The following DCLRE1A variants were observed in gnomAD, a reference collection of about 807,000 sequenced individuals.
DCLRE1A encodes the protein DNA cross-link repair 1A protein.
DCLRE1A carries 64 observed loss-of-function variants against 91.9 expected under a neutral mutation model. The ratio of observed to expected loss-of-function variants is 0.70; its 90% CI spans 0.57 to 0.86. The LOEUF is 0.86. Ranked by LOEUF, DCLRE1A falls within the 40% of genes least tolerant of loss-of-function variation. The pLI, the probability that DCLRE1A is intolerant of heterozygous loss-of-function variation, is 0.00. For synonymous variants in DCLRE1A, 416 were observed against 431.1 expected (o/e 0.96, Z 0.43); for missense variants, 1,145 against 1,213.3 (o/e 0.94, Z 0.84).
At chr10:113,840,708 T>C (rs756254428) in intron 7 of DCLRE1A, among the ~76,000 whole-genome samples, 1 of 152,228 alleles carries the variant, frequency 6.6e-6, no homozygotes, top group African/African-American at 2.4e-5. Flanking sequence ...ATTCATTCTT[T>C]TTATTTCATA....
At chr10:113,851,810 C>T (rs889572818) in intron 1 of DCLRE1A, among the ~76,000 whole-genome samples, 3 of 151,944 alleles carry the variant, frequency 2.0e-5, no homozygotes, top group Non-Finnish European at 4.4e-5. Context: ...CCTACAGCCT[C>T]GACCTCTTGG....
intron 2 of DCLRE1A, among the ~76,000 whole-genome samples, chr10:113,847,552 G>A (rs900311001): frequency 2.6e-5 from 3 of 116,450 alleles, no homozygotes; most frequent in African/African-American, 8.3e-5. Context: ...TTTTATTTGT[G>A]AATAATTGCA....
chr10:113,848,035 C>T (rs1348812287), intron 2 of DCLRE1A, among the ~76,000 whole-genome samples: 4 of 152,116 alleles, frequency 2.6e-5, no homozygotes, highest in African/African-American at 4.8e-5. Context: ...GAAAATTGGC[C>T]GGGCTCGGTG....
At chr10:113,846,380 AG>A (rs1205668894) in intron 3 of DCLRE1A, among the ~76,000 whole-genome samples, 2 of 152,200 alleles carry the variant, frequency 1.3e-5, no homozygotes, top group Non-Finnish European at 2.9e-5. Flanking sequence ...TTCTAGTTCA[AG>A]CCCTTAGTAA....
intron 7 of DCLRE1A, among the ~76,000 whole-genome samples, chr10:113,841,137 A>G (rs1387867781): frequency 6.6e-6 from 1 of 152,232 alleles, no homozygotes; most frequent in Non-Finnish European, 1.5e-5. Flanking sequence ...GGTTTGAATG[A>G]CCAGATAGCT....
rs759486823 is a variant in DCLRE1A, at chr10:113,849,905, C to T, written c.1200G>A (p.Leu400=). Residue 400 remains leucine (L), a synonymous_variant, in exon 2 of 9, where the codon CTG becomes CTA. Coordinates refer to ENST00000361384, the MANE Select transcript of DCLRE1A (RefSeq NM_014881.5). ...ACACAAAATCACCACCAGTACATGC[C>T]AGATCATAAGGCAAAGTACTCTCAT... ...QNNESTLPYD[L]ACTGGDFVLF... is the part of the protein sequence containing the mutation. The T allele has an allele frequency of 1.2e-5, 20 of 1,613,920 alleles. No homozygotes were observed. Among genetic ancestry groups the T allele is most frequent in the Non-Finnish European group, 1.6e-5 (19 of 1,180,006 alleles).
At chr10:113,846,528 C>T (rs1260334808) in intron 3 of DCLRE1A, among the ~76,000 whole-genome samples, 1 of 152,146 alleles carries the variant, frequency 6.6e-6, no homozygotes, top group Admixed American at 6.5e-5. Flanking sequence ...TATTATGATA[C>T]CAATCCCAAT....
rs377032576 is a variant in DCLRE1A at position 113,849,162 on chromosome 10, G to A, written c.1943C>T (p.Ala648Val). The A allele has an allele frequency of 1.9e-5, 31 of 1,613,820 alleles. No homozygotes were observed. The South Asian group carries it at 2.6e-4, about 14-fold the overall frequency. Residue 648 changes from alanine to valine, a missense_variant, in exon 2 of 9, where the codon GCG (alanine) becomes GTG (valine). Physicochemically the swap from Ala to Val is moderately conservative, Grantham distance 64. Coordinates refer to ENST00000361384, the MANE Select transcript of DCLRE1A (RefSeq NM_014881.5). ...AAGGTGATCTGATCTCTTCTGACACGCTCCTTCCTGCAGTGAATTTGACTT... is the reference window on the plus strand; with the variant it reads ...AAGGTGATCTGATCTCTTCTGACACACTCCTTCCTGCAGTGAATTTGACTT... ...CRKSNSLQEGACQKRSDHLIN... is the reference protein window; with the variant it reads ...CRKSNSLQEGVCQKRSDHLIN...
intron 2 of DCLRE1A, 151 bp downstream of exon 2, chr10:113,848,829 T>A: frequency 1.4e-6 from 1 of 733,102 alleles, no homozygotes; most frequent in Admixed American, 2.8e-5. Flanking sequence ...AAAAACCATA[T>A]CTACGTTAGA....
rs751311154 is a variant in DCLRE1A, at chr10:113,853,224, A to G, written c.-42T>C. 8.5e-5 allele frequency: 123 copies of G among 1,448,928 alleles called. No individual in the cohort carries two copies. The South Asian group carries it at 1.6e-3, about 19-fold the overall frequency. 89.8% of individuals were successfully genotyped at this position (1,448,928 alleles called of 1,614,324 possible). On this transcript the variant is annotated 5_prime_UTR_variant, in exon 1 of 9. Coordinates refer to ENST00000361384, the MANE Select transcript of DCLRE1A (RefSeq NM_014881.5). ...CATTCAAGAAGTATTAATCTTAAGT[A>G]AACTGAAAGTCCATTTCTTGTCACA...
Position 113,853,041 on chromosome 10 carries a change from T to C in DCLRE1A, c.142A>G (p.Ser48Gly). 6.2e-7 allele frequency: 1 copy of C among 1,614,014 alleles called. No homozygotes were observed. Among genetic ancestry groups the C allele is most frequent in the Non-Finnish European group, 8.5e-7 (1 of 1,180,020 alleles). ...ATDGKYQSKRSRNRKRAAEAK... is the reference protein window; with the variant it reads ...ATDGKYQSKRGRNRKRAAEAK... ...TCTGCGGCTCTTTTTCTGTTTCTAC[T>C]CCGTTTTGACTGGTATTTTCCATCT... Residue 48 changes from serine (S) to glycine (G), a missense_variant, in exon 1 of 9, where the codon AGT becomes GGT. Coordinates refer to ENST00000361384, the MANE Select transcript of DCLRE1A (RefSeq NM_014881.5).
Position 113,850,617 on chromosome 10 carries a change from G to T in DCLRE1A, c.488C>A (p.Ser163Ter), listed in dbSNP as rs1845634484. ...TECPDGLLCT[S>*]TIPFHYKRYT... ...TCTCTTGTAATGAAAAGGAATGGTT[G>T]AGGTACACAGAAGACCATCAGGACA... Residue 163 changes from serine to a stop codon, truncating the protein, a stop_gained, in exon 2 of 9, where the codon TCA becomes TAA. Coordinates refer to ENST00000361384, the MANE Select transcript of DCLRE1A (RefSeq NM_014881.5). LOFTEE classifies it high-confidence loss of function. 1 of 1,609,038 alleles carries T rather than the reference G, an allele frequency of 6.2e-7. No homozygotes were observed. Among genetic ancestry groups the T allele is most frequent in the Admixed American group, 1.7e-5 (1 of 59,576 alleles).
chr10:113,849,702 G>A lies in DCLRE1A; in HGVS notation c.1403C>T (p.Pro468Leu). 2 of 1,614,104 alleles carry A rather than the reference G, an allele frequency of 1.2e-6. No individual in the cohort carries two copies. Among genetic ancestry groups the A allele is most frequent in the South Asian group, 1.1e-5 (1 of 91,074 alleles). ...ATACCCTTCTACCTGACTTTCAAAA[G>A]GTTTCAACATTAAACTCTTAACTAA... ...LPLVKSLMLK[P>L]FESQVEGYLS... The change falls in exon 2 of 9, where the codon CCT becomes CTT. Residue 468 changes from proline to leucine, a missense_variant. Physicochemically the swap from Pro to Leu is moderately conservative, Grantham distance 98. Transcript: ENST00000361384.
chr10:113,846,207 G>A (rs1228056897), intron 3 of DCLRE1A, among the ~76,000 whole-genome samples: 1 of 152,046 alleles, frequency 6.6e-6, no homozygotes, highest in African/African-American at 2.4e-5. Context: ...TCTTTCCTCT[G>A]CCTGGTCCTG....
rs1845692689 is a variant in DCLRE1A at position 113,853,312 on chromosome 10, C to G, written c.-130G>C. 1.2e-6 allele frequency: 1 copy of G among 862,044 alleles called. No homozygotes were observed. The highest frequency in any genetic ancestry group is 1.7e-6 in the Non-Finnish European group (1 of 584,114). 53.4% of individuals were successfully genotyped at this position (862,044 alleles called of 1,614,324 possible). ...ACAAAGGTAACAAAACCCCCACCAA[C>G]TCAATGGGAATCTGCAGTGTTGGTA... On this transcript the variant is annotated 5_prime_UTR_variant, in exon 1 of 9. Coordinates refer to ENST00000361384, the MANE Select transcript of DCLRE1A (RefSeq NM_014881.5).
In DCLRE1A at chr10:113,847,240, A is replaced by G. The variant is rs1319183480; in HGVS notation, c.2221T>C (p.Leu741=). 6.2e-7 allele frequency: 1 copy of G among 1,613,822 alleles called. No individual in the cohort carries two copies. Among genetic ancestry groups the G allele is most frequent in the South Asian group, 1.1e-5 (1 of 91,046 alleles). ...THFHSDHYAG[L]SKHFTFPVYC... Reference sequence around the variant, plus strand: ...ACTGGAAATGTGAAGTGTTTAGACAATCCAGCATAATGATCAGAATGAAAA... The same window carrying G: ...ACTGGAAATGTGAAGTGTTTAGACAGTCCAGCATAATGATCAGAATGAAAA... Residue 741 remains leucine, a synonymous_variant, in exon 3 of 9, where the codon TTG becomes CTG. Coordinates refer to ENST00000361384, the MANE Select transcript of DCLRE1A (RefSeq NM_014881.5).
At chr10:113,840,306 A>C (rs905272418) in intron 7 of DCLRE1A, among the ~76,000 whole-genome samples, 16 of 151,652 alleles carry the variant, frequency 1.1e-4, no homozygotes, top group African/African-American at 1.7e-4. Context: ...AAAAAAAAAA[A>C]AACAACAAAA....
Position 113,844,210 on chromosome 10 carries a change from G to A in DCLRE1A, c.2413C>T (p.Pro805Ser). Residue 805 changes from proline to serine, a missense_variant, in exon 5 of 9, where the codon CCT (proline) becomes TCT (serine). Transcript: ENST00000361384. ...PGAVMILFYL[P>S]NGTVILHTGD... The stretch of plus-strand genomic sequence containing the variant: ...GTGTGTAATATGACAGTACCATTAG[G>A]AAGATAAAAGAGGATCATGACAGCA... The A allele has an allele frequency of 6.2e-7, 1 of 1,614,136 alleles. No homozygotes were observed. The highest frequency in any genetic ancestry group is 1.3e-5 in the African/African-American group (1 of 75,036).
chr10:113,840,357 T>C (rs1394229774), intron 7 of DCLRE1A, among the ~76,000 whole-genome samples: 1 of 151,648 alleles, frequency 6.6e-6, no homozygotes, highest in African/African-American at 2.4e-5. Flanking sequence ...CTAAATCTTG[T>C]TTAAGTTGGG....
Sources: allele counts gnomAD v4.1 joint callset (sites outside exome capture counted in the v4.1 genomes callset), GRCh38; gene constraint gnomAD v4.1.1; transcripts MANE v1.5; gene names NCBI Gene and HGNC (gene_info 2026-07-23, HGNC 2026-07-21).